Variants in SNAP29 observed in about 807,000 individuals in gnomAD.
The protein encoded by SNAP29 is synaptosome associated protein 29.
SNAP29 carries 13 observed loss-of-function variants against 27.9 expected under a neutral mutation model. The observed-to-expected ratio is 0.47, with a 90% CI of 0.30 to 0.74. The LOEUF (loss-of-function observed/expected upper bound fraction) is 0.74. Ranked by LOEUF, SNAP29 falls within the 30% of genes least tolerant of loss-of-function variation. The pLI is 0.06. For synonymous variants in SNAP29, 119 were observed against 127.1 expected (o/e 0.94, Z 0.43); for missense variants, 368 against 336.5 (o/e 1.09, Z -0.73).
chr22:20,876,590 T>A (rs1928751135), intron 2 of SNAP29, among the ~76,000 whole-genome samples: 1 of 130,328 alleles, frequency 7.7e-6, no homozygotes, highest in Admixed American at 7.6e-5. Context: ...TTTTTTGAGA[T>A]GGAATCTCGC....
At chr22:20,883,363 C>G (rs1928932724) in intron 3 of SNAP29, 108 bp from the exon 4 acceptor site, 7 of 764,922 alleles carry the variant, frequency 9.2e-6, no homozygotes, top group Admixed American at 1.8e-5. Context: ...AGAACCAACC[C>G]CTTCGTTCCT....
intron 2 of SNAP29, among the ~76,000 whole-genome samples, chr22:20,875,899 G>A (rs146448294): frequency 6.6e-6 from 1 of 151,908 alleles, no homozygotes; most frequent in Non-Finnish European, 1.5e-5. Flanking sequence ...AGTGGCTCAC[G>A]CCTGTAATCC....
At chr22:20,876,717 G>A (rs1043678354) in intron 2 of SNAP29, among the ~76,000 whole-genome samples, 3 of 151,878 alleles carry the variant, frequency 2.0e-5, no homozygotes, top group African/African-American at 4.8e-5. Context: ...ACAGGCACCC[G>A]CCACCACGCC....
intron 1 of SNAP29, among the ~76,000 whole-genome samples, chr22:20,862,725 G>A (rs1444296968): frequency 6.6e-6 from 1 of 152,180 alleles, no homozygotes; most frequent in Non-Finnish European, 1.5e-5. Context: ...GTACAGTGTG[G>A]TCATGACTGG....
At position 20,890,458 on chromosome 22, in the gene SNAP29, A is replaced by G. The variant is rs1929122286; in HGVS notation, c.*2622A>G. The G allele has an allele frequency of 7.5e-6, 3 of 397,682 alleles. No individual in the cohort carries two copies. Among genetic ancestry groups the G allele is most frequent in the African/African-American group, 4.1e-5 (2 of 48,620 alleles). The allele number at this position is 397,682 out of a possible 1,614,324, so 24.6% of individuals were successfully genotyped here. A position where few individuals can be genotyped will look rare whatever the true frequency, so the allele number is the denominator to read the frequency against. On this transcript the variant is annotated 3_prime_UTR_variant, in exon 5 of 5. Coordinates refer to ENST00000215730, the MANE Select transcript of SNAP29 (RefSeq NM_004782.4). ...AGGTTGGTTATATGTTAAGTGTGCT[A>G]CTAACTTAAAAAATAGTGGCTGGGC...
intron 1 of SNAP29, among the ~76,000 whole-genome samples, chr22:20,866,381 T>G (rs25188): frequency 0.49 from 73,997 of 152,114 alleles, 18,498 homozygotes; most frequent in African/African-American, 0.58. Flanking sequence ...AAGGGAGAGA[T>G]GGAACAAAGA....
At chr22:20,885,515 G>A (rs1928991442) in intron 4 of SNAP29, among the ~76,000 whole-genome samples, 1 of 152,226 alleles carries the variant, frequency 6.6e-6, no homozygotes, top group South Asian at 2.1e-4. Context: ...GAAGCCCAGA[G>A]AGGCGTGAAA....
At chr22:20,864,091 A>G (rs964311631) in intron 1 of SNAP29, among the ~76,000 whole-genome samples, 10 of 152,036 alleles carry the variant, frequency 6.6e-5, no homozygotes, top group Admixed American at 6.5e-4. Context: ...ACACCTTTTC[A>G]TCACTCCAGT....
At chr22:20,870,685 A>AC in intron 2 of SNAP29, 152 bp downstream of exon 2, 1 of 748,600 alleles carries the variant, frequency 1.3e-6, no homozygotes, top group Non-Finnish European at 2.3e-6. Context: ...ACATTGTGAA[A>AC]CCAGGAACTG....
chr22:20,860,424 C>A (rs1483794228), intron 1 of SNAP29, among the ~76,000 whole-genome samples: 3 of 147,640 alleles, frequency 2.0e-5, no homozygotes, highest in Non-Finnish European at 1.5e-5. Flanking sequence ...TGCTTGGGTA[C>A]AGTGGCATGA....
At chr22:20,874,352 CACACACA>C (rs1569117994) in intron 2 of SNAP29, among the ~76,000 whole-genome samples, 1,459 of 53,644 alleles carry the variant, frequency 0.027, 30 homozygotes, top group African/African-American at 0.15. Flanking sequence ...AAATTAGCCA[CACACACA>C]CACACACACA....
intron 2 of SNAP29, among the ~76,000 whole-genome samples, chr22:20,876,317 G>GTGC (rs1928743807): frequency 6.8e-6 from 1 of 146,148 alleles, no homozygotes; most frequent in African/African-American, 2.6e-5. Context: ...GAGTGCAGTG[G>GTGC]TGCAGTCTCT....
intron 1 of SNAP29, among the ~76,000 whole-genome samples, chr22:20,868,532 A>G (rs1006478638): frequency 6.6e-6 from 1 of 152,180 alleles, no homozygotes; most frequent in Non-Finnish European, 1.5e-5. Flanking sequence ...CCATTTATTT[A>G]TAGTTGCATT....
At chr22:20,879,969 C>T (rs1928853018) in intron 2 of SNAP29, among the ~76,000 whole-genome samples, 1 of 151,060 alleles carries the variant, frequency 6.6e-6, no homozygotes, top group Admixed American at 6.6e-5. Context: ...TCAGTGTTTG[C>T]ACCACTATAC....
intron 2 of SNAP29, among the ~76,000 whole-genome samples, chr22:20,874,179 A>G (rs361624): frequency 1 from 147,570 of 147,584 alleles, 73,778 homozygotes; most frequent in Middle Eastern, 1. Context: ...GGAGGGTGAG[A>G]AATGTGTATG....
intron 1 of SNAP29, among the ~76,000 whole-genome samples, chr22:20,867,583 G>T (rs1928491643): frequency 6.6e-6 from 1 of 152,112 alleles, no homozygotes; most frequent in Non-Finnish European, 1.5e-5. Context: ...TCCCTTGCTG[G>T]CCTCATGACC....
chr22:20,861,042 C>T (rs1461958291), intron 1 of SNAP29, among the ~76,000 whole-genome samples: 1 of 151,964 alleles, frequency 6.6e-6, no homozygotes, highest in Admixed American at 6.6e-5. Context: ...ATCATTTCCC[C>T]TTGCTGTTTT....
At chr22:20,876,030 G>A (rs1478540988) in intron 2 of SNAP29, among the ~76,000 whole-genome samples, 1 of 151,700 alleles carries the variant, frequency 6.6e-6, no homozygotes, top group Non-Finnish European at 1.5e-5. Flanking sequence ...GGGTGATGGT[G>A]GGCACCTGTA....
chr22:20,882,169 C>G (rs1201216873), intron 3 of SNAP29, among the ~76,000 whole-genome samples: 2 of 151,870 alleles, frequency 1.3e-5, no homozygotes, highest in African/African-American at 4.8e-5. Flanking sequence ...GACACCCCGA[C>G]TCAGCCCAGT....
Sources: gnomAD v4.1 joint callset for allele counts (sites outside exome capture counted in the v4.1 genomes callset) on GRCh38, gnomAD v4.1.1 for gene constraint, MANE v1.5 for transcripts, NCBI Gene and HGNC (gene_info 2026-07-23, HGNC 2026-07-21) for gene names.